The following RAB10 variants were observed in gnomAD, a reference collection of about 807,000 sequenced individuals.
RAB10 encodes RAB10, member RAS oncogene family.
A neutral mutation model predicts 25.7 loss-of-function variants in RAB10; 5 were observed. That is an observed-to-expected ratio of 0.19 (90% CI 0.10 to 0.41). The LOEUF (loss-of-function observed/expected upper bound fraction) is 0.41, where lower values mean the gene tolerates loss of function less well. Ranked by LOEUF, RAB10 falls within the 10% of genes least tolerant of loss-of-function variation. The pLI is 1.00. For synonymous variants in RAB10, 89 were observed against 86.4 expected (o/e 1.03, Z -0.16); for missense variants, 103 against 245.8 (o/e 0.42, Z 3.89).
At chr2:26,059,700 A>C (rs538274300) in intron 1 of RAB10, among the ~76,000 whole-genome samples, 8 of 152,172 alleles carry the variant, frequency 5.3e-5, no homozygotes, top group Admixed American at 5.2e-4. Context: ...CACTATTCAC[A>C]ATAGCCAAGA....
rs1039857901 is a variant in RAB10, at chr2:26,034,601, T to G, written c.-8T>G. 6.2e-7 allele frequency: 1 copy of G among 1,613,006 alleles called. No individual in the cohort carries two copies. ...CGCCGGCGGCGAGAGCCCGAGCCGC[T>G]CCTCCCAATGGCGAAGAAGACGTAC... is the stretch of plus-strand genomic sequence containing the variant. On this transcript the variant is annotated 5_prime_UTR_variant, in exon 1 of 6. Transcript: ENST00000264710.
chr2:26,116,080 T>G (rs1667682851), intron 3 of RAB10, among the ~76,000 whole-genome samples: 1 of 152,106 alleles, frequency 6.6e-6, no homozygotes, highest in Admixed American at 6.5e-5. Flanking sequence ...GTCAGGCTGG[T>G]CTGGTCTTGA....
intron 5 of RAB10, among the ~76,000 whole-genome samples, chr2:26,130,113 T>G (rs1487910376): frequency 6.6e-6 from 1 of 152,190 alleles, no homozygotes; most frequent in East Asian, 1.9e-4. Context: ...AGTTTAGTTT[T>G]GAAATTTCAA....
At chr2:26,096,426 C>CTGGATGGATGGA (rs1387189328) in intron 1 of RAB10, among the ~76,000 whole-genome samples, 56 of 79,960 alleles carry the variant, frequency 7.0e-4, no homozygotes, top group African/African-American at 2.4e-3. Flanking sequence ...GGATGGCTGG[C>CTGGATGGATGGA]TGGCTGGATG....
At chr2:26,099,910 A>G (rs1010050041) in intron 2 of RAB10, among the ~76,000 whole-genome samples, 151 of 151,882 alleles carry the variant, frequency 9.9e-4, no homozygotes, top group African/African-American at 3.4e-3. Flanking sequence ...TTTCAACATG[A>G]CTGTATCTAC....
At chr2:26,088,858 C>T (rs1359053837) in intron 1 of RAB10, among the ~76,000 whole-genome samples, 1 of 151,686 alleles carries the variant, frequency 6.6e-6, no homozygotes, top group Non-Finnish European at 1.5e-5. Context: ...CTCCTGACCT[C>T]GTGATCCGCC....
Position 26,135,255 on chromosome 2 carries a change from G to A in RAB10, c.*234G>A. 4.5e-6 allele frequency: 2 copies of A among 440,468 alleles called. No individual in the cohort carries two copies. The highest frequency in any genetic ancestry group is 8.1e-6 in the Non-Finnish European group (2 of 247,368). 27.3% of individuals were successfully genotyped at this position (440,468 alleles called of 1,614,324 possible). On this transcript the variant is annotated 3_prime_UTR_variant, in exon 6 of 6. Transcript: ENST00000264710. The stretch of plus-strand genomic sequence containing the variant: ...CATGTCTGTGAGTTCATTTTTAAAT[G>A]TACTTGCTCAGCTCAACTGCATTTC...
intron 1 of RAB10, among the ~76,000 whole-genome samples, chr2:26,068,335 A>G (rs780279001): frequency 3.9e-5 from 6 of 152,166 alleles, no homozygotes; most frequent in Non-Finnish European, 7.4e-5. Flanking sequence ...TTCGAATTCC[A>G]TGGAAGGTTT....
At chr2:26,083,404 C>G (rs959005697) in intron 1 of RAB10, among the ~76,000 whole-genome samples, 3 of 135,466 alleles carry the variant, frequency 2.2e-5, no homozygotes, top group African/African-American at 8.2e-5. Context: ...CCCCTCCCCT[C>G]CCTTCCCCCT....
intron 2 of RAB10, among the ~76,000 whole-genome samples, chr2:26,099,201 T>A (rs1667288600): frequency 1.0e-5 from 1 of 98,110 alleles, no homozygotes; most frequent in South Asian, 3.4e-4. Flanking sequence ...AATGGCAATA[T>A]TTTCCAGCAA....
At chr2:26,039,126 TCTA>T (rs1665830365) in intron 1 of RAB10, among the ~76,000 whole-genome samples, 1 of 150,926 alleles carries the variant, frequency 6.6e-6, no homozygotes. Flanking sequence ...TTCAAGCAAT[TCTA>T]CTGCCTCAGC....
At chr2:26,086,961 C>T (rs1460852381) in intron 1 of RAB10, among the ~76,000 whole-genome samples, 1 of 151,968 alleles carries the variant, frequency 6.6e-6, no homozygotes, top group East Asian at 1.9e-4. Context: ...TTTCCAGGGA[C>T]TGGAGGGGAG....
At chr2:26,095,315 A>T (rs1294165100) in intron 1 of RAB10, among the ~76,000 whole-genome samples, 2 of 152,148 alleles carry the variant, frequency 1.3e-5, no homozygotes, top group Non-Finnish European at 2.9e-5. Flanking sequence ...GCTGTTAAAA[A>T]TGCAAGCTCA....
At chr2:26,104,053 C>G (rs1415090115) in intron 2 of RAB10, among the ~76,000 whole-genome samples, 1 of 152,082 alleles carries the variant, frequency 6.6e-6, no homozygotes, top group Non-Finnish European at 1.5e-5. Flanking sequence ...ACATTCACGT[C>G]TACGTTTTTG....
Position 26,109,853 on chromosome 2 carries a change from A to G in RAB10, c.274A>G (p.Thr92Ala). 1 of 1,610,722 alleles carries G rather than the reference A, an allele frequency of 6.2e-7. No individual in the cohort carries two copies. The highest frequency in any genetic ancestry group is 8.5e-7 in the Non-Finnish European group (1 of 1,178,618). ...AMGIMLVYDI[T>A]NGKSFENISK... ...GGGTATCATGCTAGTATATGACATC[A>G]CCAATGGTAAAAGTTTTGAAAACAT... Residue 92 changes from threonine to alanine, a missense_variant, in exon 3 of 6, where the codon ACC becomes GCC. By Grantham distance (58) the Thr-to-Ala change is moderately conservative. Coordinates refer to ENST00000264710, the MANE Select transcript of RAB10 (RefSeq NM_016131.5).
chr2:26,057,826 G>A (rs918765985), intron 1 of RAB10, among the ~76,000 whole-genome samples: 12 of 152,138 alleles, frequency 7.9e-5, no homozygotes, highest in African/African-American at 2.9e-4. Flanking sequence ...GTTTCACCAT[G>A]TTGGCCAGTC....
chr2:26,076,919 G>A (rs1274460187), intron 1 of RAB10, among the ~76,000 whole-genome samples: 1 of 151,114 alleles, frequency 6.6e-6, no homozygotes, highest in African/African-American at 2.4e-5. Flanking sequence ...ACTCCAGCCT[G>A]GGGGACAAGA....
At chr2:26,076,506 T>C (rs1355491237) in intron 1 of RAB10, among the ~76,000 whole-genome samples, 1 of 152,208 alleles carries the variant, frequency 6.6e-6, no homozygotes, top group Non-Finnish European at 1.5e-5. Flanking sequence ...GATACTGCCA[T>C]GTTCTGGAGA....
intron 1 of RAB10, among the ~76,000 whole-genome samples, chr2:26,084,381 C>G (rs1666934070): frequency 6.6e-6 from 1 of 152,182 alleles, no homozygotes; most frequent in African/African-American, 2.4e-5. Context: ...GTTTACCCTA[C>G]TGAAACTCAT....
Sources: allele counts gnomAD v4.1 joint callset (sites outside exome capture counted in the v4.1 genomes callset), GRCh38; gene constraint gnomAD v4.1.1; transcripts MANE v1.5; gene names NCBI Gene and HGNC (gene_info 2026-07-23, HGNC 2026-07-21).